Variants in PRKCZ observed in about 807,000 individuals in gnomAD.
PRKCZ encodes protein kinase C zeta type.
In PRKCZ, 33 loss-of-function variants were observed where a neutral mutation model predicts 79.5. The ratio of observed to expected loss-of-function variants is 0.41; its 90% CI spans 0.31 to 0.55. The LOEUF (loss-of-function observed/expected upper bound fraction) is 0.55, where lower values mean the gene tolerates loss of function less well. PRKCZ is among the 20% of genes least tolerant of loss of function. The pLI, the probability that PRKCZ is intolerant of heterozygous loss-of-function variation, is 0.19. For missense variants in PRKCZ, 578 were observed against 813.5 expected (o/e 0.71, Z 3.52); for synonymous variants, 342 against 320.9 (o/e 1.07, Z -0.70).
In PRKCZ at chr1:2,120,295, T is replaced by TG. The variant is rs1194656953; in HGVS notation, c.335-14967_335-14966insG. Among the ~76,000 whole-genome samples, 66 of 101,362 alleles carry TG rather than the reference T, an allele frequency of 6.5e-4. 1 individual carries two copies. Among genetic ancestry groups the TG allele is most frequent in the African/African-American group, 3.7e-3 (65 of 17,462 alleles). 66.5% of individuals were successfully genotyped at this position (101,362 alleles called of 152,430 possible). Reference sequence around the variant, plus strand: ...AAAATATCAGCCCTTGACTTTTCGTTTTTTTTTTTTTTTTTTTTTTTTTTT... The same window carrying TG: ...AAAATATCAGCCCTTGACTTTTCGTTGTTTTTTTTTTTTTTTTTTTTTTTTT... On this transcript the variant is annotated intron_variant, in intron 4 of 17. Transcript: ENST00000378567.
chr1:2,120,304 T>G (rs1405477521), intron 4 of PRKCZ, among the ~76,000 whole-genome samples: 3 of 128,214 alleles, frequency 2.3e-5, no homozygotes, highest in South Asian at 2.8e-4. Flanking sequence ...TTTTTTTTTT[T>G]TTTTTTTTTT....
At chr1:2,091,938 C>G (rs901084791) in intron 4 of PRKCZ, among the ~76,000 whole-genome samples, 1 of 152,174 alleles carries the variant, frequency 6.6e-6, no homozygotes, top group Admixed American at 6.5e-5. Flanking sequence ...TTTATAAAAT[C>G]TTTATAAAAA....
chr1:2,058,060 A>G (rs896344182), intron 3 of PRKCZ, among the ~76,000 whole-genome samples: 5 of 152,018 alleles, frequency 3.3e-5, no homozygotes, highest in African/African-American at 1.2e-4. Flanking sequence ...GTAGAGACGG[A>G]GTTTCACCAT....
At chr1:2,140,451 G>A (rs1357024169) in intron 5 of PRKCZ, among the ~76,000 whole-genome samples, 3 of 152,078 alleles carry the variant, frequency 2.0e-5, no homozygotes, top group African/African-American at 7.2e-5. Context: ...TCAGGAGTTC[G>A]AGACCAGCCT....
chr1:2,113,454 C>G (rs563636792), intron 4 of PRKCZ, among the ~76,000 whole-genome samples: 92 of 152,252 alleles, frequency 6.0e-4, no homozygotes, highest in African/African-American at 2.1e-3. Flanking sequence ...TGACCCAGGG[C>G]AGGTGGAAGC....
intron 11 of PRKCZ, 68 bp downstream of exon 11, chr1:2,169,672 T>G (rs1410789308): frequency 1.4e-4 from 55 of 386,534 alleles, no homozygotes; most frequent in Middle Eastern, 1.2e-3. Flanking sequence ...CGTGCGGTGT[T>G]GGGGGGCTGG....
At chr1:2,079,688 G>A (rs1014895377) in intron 4 of PRKCZ, among the ~76,000 whole-genome samples, 1 of 152,242 alleles carries the variant, frequency 6.6e-6, no homozygotes. Context: ...ATGTGTGCTG[G>A]CAGCGGTTGG....
chr1:2,169,683 G>T, intron 11 of PRKCZ, 79 bp downstream of exon 11: 2 of 1,100,392 alleles, frequency 1.8e-6, no homozygotes, highest in Non-Finnish European at 2.5e-6. Context: ...GGGGGGCTGG[G>T]TGGGTGCGCA....
intron 16 of PRKCZ, among the ~76,000 whole-genome samples, chr1:2,180,178 G>C: frequency 6.6e-6 from 1 of 152,188 alleles, no homozygotes; most frequent in East Asian, 1.9e-4. Context: ...CTGGCCACCC[G>C]CGAACCCCTC....
chr1:2,101,945 G>C (rs3107138), intron 4 of PRKCZ, among the ~76,000 whole-genome samples: 70,230 of 151,926 alleles, frequency 0.46, 17,881 homozygotes, highest in East Asian at 0.82. Flanking sequence ...GCCAGGCATG[G>C]TAATGACAAG....
rs1164414654 is a variant in PRKCZ, at chr1:2,094,956, C to T, written c.334+35365C>T. ...TCCATGCCAGTTCTCTCCCTGCCCC[C>T]GCCGGCATGACACGGACACTGGTGC... On this transcript the variant is annotated intron_variant, in intron 4 of 17. Coordinates refer to ENST00000378567, the MANE Select transcript of PRKCZ (RefSeq NM_002744.6). This position sits in a 1 kb window ranked among gnomAD's most constrained non-coding sequence, Gnocchi z 7.3. Among the ~76,000 whole-genome samples, 1 of 152,156 alleles carries T rather than the reference C, an allele frequency of 6.6e-6. No individual in the cohort carries two copies. The highest frequency in any genetic ancestry group is 1.5e-5 in the Non-Finnish European group (1 of 68,040).
intron 4 of PRKCZ, chr1:2,071,618 G>A: frequency 5.0e-6 from 1 of 199,788 alleles, no homozygotes; most frequent in Non-Finnish European, 1.1e-5. Flanking sequence ...TTGGCAATTT[G>A]CCTGCTGAGC....
At chr1:2,090,353 C>G (rs1259339311) in intron 4 of PRKCZ, among the ~76,000 whole-genome samples, 1 of 152,094 alleles carries the variant, frequency 6.6e-6, no homozygotes, top group Non-Finnish European at 1.5e-5. Context: ...CCCGTGCACC[C>G]ATGGTTTTGT....
Position 2,153,491 on chromosome 1 carries a change from G to A in PRKCZ, c.877-2504G>A, listed in dbSNP as rs555475049. Among the ~76,000 whole-genome samples the A allele has an allele frequency of 2.6e-5, 4 of 152,336 alleles. No individual in the cohort carries two copies. In the East Asian group the frequency reaches 5.8e-4, roughly 22 times the overall value. ...CCTCTACTACCTCCCAGCAGGGCGTGTCTGTGCAGTGCACAGGCTGTCCAA... is the reference window on the plus strand; with the variant it reads ...CCTCTACTACCTCCCAGCAGGGCGTATCTGTGCAGTGCACAGGCTGTCCAA... On this transcript the variant is annotated intron_variant, in intron 9 of 17. Transcript: ENST00000378567.
At chr1:2,081,158 C>G (rs751537530) in intron 4 of PRKCZ, among the ~76,000 whole-genome samples, 2 of 152,228 alleles carry the variant, frequency 1.3e-5, no homozygotes, top group Non-Finnish European at 2.9e-5. Context: ...AAGTTTTGCA[C>G]GGGACTTGTA....
At chr1:2,175,961 G>A (rs748572697) in intron 16 of PRKCZ, among the ~76,000 whole-genome samples, 8 of 152,164 alleles carry the variant, frequency 5.3e-5, no homozygotes, top group Non-Finnish European at 1.2e-4. Flanking sequence ...GTTTGCTTTG[G>A]TTTCATGGCC....
At chr1:2,169,309 C>T in intron 10 of PRKCZ, 1 of 614,688 alleles carries the variant, frequency 1.6e-6, no homozygotes, top group South Asian at 1.5e-5. Context: ...CCGCATGACT[C>T]CCTCACCTGC....
At chr1:2,076,148 G>T (rs1662369973) in intron 4 of PRKCZ, among the ~76,000 whole-genome samples, 1 of 152,216 alleles carries the variant, frequency 6.6e-6, no homozygotes, top group Non-Finnish European at 1.5e-5. Flanking sequence ...TGCCATCGAG[G>T]GGAAGCCTGT....
intron 16 of PRKCZ, chr1:2,182,231 C>CT (rs1686744054): frequency 4.6e-6 from 1 of 216,894 alleles, no homozygotes. Flanking sequence ...TCTTGGCCCC[C>CT]CTGGGCCCTG....
Sources: allele counts gnomAD v4.1 joint callset (sites outside exome capture counted in the v4.1 genomes callset), GRCh38; gene constraint gnomAD v4.1.1; non-coding constraint Gnocchi (gnomAD v3.1); transcripts MANE v1.5; gene names NCBI Gene and HGNC (gene_info 2026-07-23, HGNC 2026-07-21).